RALGAPA1: variants seen among roughly 807,000 people sequenced by gnomAD.
The protein encoded by RALGAPA1 is Ral GTPase activating protein catalytic subunit alpha 1, also known as ral GTPase-activating protein subunit alpha-1.
RALGAPA1 carries 52 observed loss-of-function variants against 269.6 expected under a neutral mutation model. The observed-to-expected ratio is 0.19, with a 90% CI of 0.15 to 0.24. The LOEUF (loss-of-function observed/expected upper bound fraction) is 0.24, where lower values mean the gene tolerates loss of function less well. Among genes scored for constraint, RALGAPA1 ranks in the 10% least tolerant of loss-of-function variants. The pLI is 1.00. For synonymous variants in RALGAPA1, 817 were observed against 1,008.3 expected, an observed-to-expected ratio of 0.81 and a Z score of 3.60; for missense variants, 1,917 against 3,013.9, an observed-to-expected ratio of 0.64 and a Z score of 8.52.
At chr14:35,671,364 T>C (rs921439656) in intron 26 of RALGAPA1, 25 bp downstream of exon 26, 2 of 1,566,554 alleles carry the variant, frequency 1.3e-6, no homozygotes, top group Non-Finnish European at 1.7e-6. Context: ...GTTTGTTATA[T>C]GATAAGGAAC....
intron 38 of RALGAPA1, 115 bp from the exon 39 acceptor site, chr14:35,570,859 T>G: frequency 5.4e-6 from 5 of 933,884 alleles, no homozygotes; most frequent in Non-Finnish European, 6.3e-6. Flanking sequence ...AGTTCTTCCT[T>G]CAGTAAAAAT....
chr14:35,627,885 T>C lies in RALGAPA1; in HGVS notation c.6062A>G (p.Asn2021Ser). ...AARTVITHLV[N>S]HLGHYPMSGG... ...GCTCATTGGATAATGGCCCAGGTGA[T>C]TTACCAGATGTGTAATAACAGTGCG... is the stretch of plus-strand genomic sequence containing the variant. Residue 2021 changes from asparagine to serine, a missense_variant, in exon 34 of 42, where the codon AAT (asparagine) becomes AGT (serine). This residue lies in a region of RALGAPA1 where 346 missense variants were observed against 566.1 expected (regional missense o/e 0.61). Coordinates refer to ENST00000680220, the MANE Select transcript of RALGAPA1 (RefSeq NM_001346249.2). 4 of 1,564,786 alleles carry C rather than the reference T, an allele frequency of 2.6e-6. No individual in the cohort carries two copies. The highest frequency in any genetic ancestry group is 3.5e-6 in the Non-Finnish European group (4 of 1,155,406).
At chr14:35,558,771 A>G (rs1566676548) in intron 39 of RALGAPA1, among the ~76,000 whole-genome samples, 1 of 152,012 alleles carries the variant, frequency 6.6e-6, no homozygotes, top group Admixed American at 6.5e-5. Context: ...CAACTCGACA[A>G]TGGTACCATT....
chr14:35,569,848 GTA>G (rs1254298735), intron 39 of RALGAPA1, among the ~76,000 whole-genome samples: 2 of 152,084 alleles, frequency 1.3e-5, no homozygotes, highest in East Asian at 1.9e-4. Flanking sequence ...GCTGAATACA[GTA>G]TGTTTCCCCA....
Position 35,680,580 on chromosome 14 carries a change from T to TTTTA in RALGAPA1, c.4472-2482_4472-2479dup, listed in dbSNP as rs145483057. Reference sequence around the variant, plus strand: ...ACCAGAGAATCACTACTGCCTTTAATTTTATTTATTTATTTATTTATTTAT... The same window carrying TTTTA: ...ACCAGAGAATCACTACTGCCTTTAATTTTATTTATTTATTTATTTATTTATTTAT... On this transcript the variant is annotated intron_variant, in intron 21 of 41. Transcript: ENST00000680220. Among the ~76,000 whole-genome samples the TTTTA allele has an allele frequency of 6.1e-3, 912 of 150,608 alleles. 2 individuals are homozygous for TTTTA. The highest frequency in any genetic ancestry group is 9.4e-3 in the Non-Finnish European group (635 of 67,792).
chr14:35,700,961 C>A (rs2067294229), intron 16 of RALGAPA1, among the ~76,000 whole-genome samples: 1 of 152,024 alleles, frequency 6.6e-6, no homozygotes, highest in African/African-American at 2.4e-5. Flanking sequence ...AAACAATTTG[C>A]AGAGCATGAA....
At chr14:35,581,510 C>CTTTAA (rs2057948590) in intron 37 of RALGAPA1, among the ~76,000 whole-genome samples, 1 of 152,062 alleles carries the variant, frequency 6.6e-6, no homozygotes, top group African/African-American at 2.4e-5. Flanking sequence ...TGAAACATTG[C>CTTTAA]TTTAATTTAG....
intron 12 of RALGAPA1, among the ~76,000 whole-genome samples, chr14:35,729,077 T>C (rs921681544): frequency 3.9e-5 from 6 of 152,082 alleles, no homozygotes; most frequent in Admixed American, 1.3e-4. Flanking sequence ...AATAACTCTA[T>C]TGCTATAATA....
At chr14:35,647,239 T>C (rs1380901626) in intron 31 of RALGAPA1, among the ~76,000 whole-genome samples, 1 of 152,222 alleles carries the variant, frequency 6.6e-6, no homozygotes, top group African/African-American at 2.4e-5. Flanking sequence ...AATCACTATA[T>C]AAATGTTCTT....
intron 41 of RALGAPA1, among the ~76,000 whole-genome samples, chr14:35,543,924 G>A (rs1000262444): frequency 2.0e-5 from 3 of 152,236 alleles, no homozygotes; most frequent in Non-Finnish European, 4.4e-5. Context: ...TTACAGGCGT[G>A]AGCCACCATG....
intron 15 of RALGAPA1, among the ~76,000 whole-genome samples, chr14:35,722,518 G>T (rs2069512434): frequency 6.6e-6 from 1 of 151,784 alleles, no homozygotes; most frequent in Non-Finnish European, 1.5e-5. Flanking sequence ...GAAGCTGAAG[G>T]TGGGGATCCC....
intron 33 of RALGAPA1, among the ~76,000 whole-genome samples, chr14:35,630,991 G>T (rs2061327506): frequency 6.6e-6 from 1 of 151,948 alleles, no homozygotes; most frequent in Non-Finnish European, 1.5e-5. Context: ...AACACTAAAT[G>T]ATTAACTTTA....
chr14:35,641,353 C>T (rs1322968608), intron 31 of RALGAPA1, among the ~76,000 whole-genome samples: 2 of 152,150 alleles, frequency 1.3e-5, no homozygotes, highest in African/African-American at 4.8e-5. Context: ...CCTAAAGACT[C>T]TATCAAATAA....
intron 28 of RALGAPA1, 89 bp from the exon 29 acceptor site, chr14:35,656,004 C>A: frequency 6.3e-7 from 1 of 1,586,920 alleles, no homozygotes; most frequent in Non-Finnish European, 8.5e-7. Flanking sequence ...AATGAACATG[C>A]ACTATTTTAA....
chr14:35,703,528 C>G (rs566867162), intron 16 of RALGAPA1, among the ~76,000 whole-genome samples: 1 of 152,250 alleles, frequency 6.6e-6, no homozygotes, highest in South Asian at 2.1e-4. Context: ...TGGTCACCTC[C>G]TTTTGTTGTT....
At chr14:35,656,693 A>G (rs1010264531) in intron 28 of RALGAPA1, among the ~76,000 whole-genome samples, 7 of 152,330 alleles carry the variant, frequency 4.6e-5, no homozygotes, top group African/African-American at 1.2e-4. Flanking sequence ...GAAAAATTCA[A>G]TGCAGATTCT....
At chr14:35,667,686 G>A (rs144293811) in intron 26 of RALGAPA1, among the ~76,000 whole-genome samples, 154 of 152,284 alleles carry the variant, frequency 1.0e-3, no homozygotes, top group Middle Eastern at 3.4e-3. Context: ...TTTCTAAGGG[G>A]ACCTTCACAC....
intron 6 of RALGAPA1, among the ~76,000 whole-genome samples, chr14:35,759,835 C>T (rs928041929): frequency 6.6e-6 from 1 of 151,218 alleles, no homozygotes; most frequent in African/African-American, 2.4e-5. Context: ...TTGCTTGAAC[C>T]CAGGAGGCAG....
At chr14:35,796,214 C>A (rs555823405) in intron 1 of RALGAPA1, among the ~76,000 whole-genome samples, 1 of 152,028 alleles carries the variant, frequency 6.6e-6, no homozygotes, top group South Asian at 2.1e-4. Context: ...CCAAGATGAA[C>A]TAGATAAAAA....
Sources: allele counts gnomAD v4.1 joint callset (sites outside exome capture counted in the v4.1 genomes callset), GRCh38; gene constraint gnomAD v4.1.1; regional missense constraint gnomAD v4.1.1; transcripts MANE v1.5; gene names NCBI Gene and HGNC (gene_info 2026-07-23, HGNC 2026-07-21).